The following PDGFD variants were observed in gnomAD, a reference collection of about 807,000 sequenced individuals.
The protein encoded by PDGFD is platelet derived growth factor D, also known as platelet-derived growth factor D.
Under a neutral mutation model 44.7 loss-of-function variants are expected in PDGFD, and 30 were observed. The observed-to-expected ratio is 0.67, with a 90% CI of 0.50 to 0.91. The LOEUF is 0.91. Among genes scored for constraint, PDGFD ranks in the 40% least tolerant of loss-of-function variants. PDGFD has a pLI of 0.00. For synonymous variants in PDGFD, 173 were observed against 168.4 expected (o/e 1.03, Z -0.21); for missense variants, 445 against 457.8 (o/e 0.97, Z 0.25).
chr11:104,137,859 G>C (rs1226960430), intron 1 of PDGFD, among the ~76,000 whole-genome samples: 1 of 148,304 alleles, frequency 6.7e-6, no homozygotes, highest in Non-Finnish European at 1.5e-5. Flanking sequence ...AGATCAAGCT[G>C]TTTTTGCAAC....
intron 1 of PDGFD, among the ~76,000 whole-genome samples, chr11:104,122,649 T>A (rs977752435): frequency 4.6e-5 from 7 of 152,154 alleles, no homozygotes; most frequent in Admixed American, 3.9e-4. Flanking sequence ...AAAAGGAACC[T>A]CGGGTATAAC....
At chr11:103,963,799 C>G (rs972046877) in intron 3 of PDGFD, among the ~76,000 whole-genome samples, 5 of 152,096 alleles carry the variant, frequency 3.3e-5, no homozygotes, top group African/African-American at 1.2e-4. Flanking sequence ...TAAAAACAAT[C>G]TATGCATATG....
intron 1 of PDGFD, among the ~76,000 whole-genome samples, chr11:104,117,624 C>T (rs12225115): frequency 0.19 from 28,454 of 151,726 alleles, 2,772 homozygotes; most frequent in Middle Eastern, 0.29. Context: ...GAACTCAACC[C>T]CTTTTAAAAT....
At chr11:103,967,161 T>G (rs1209608368) in intron 3 of PDGFD, among the ~76,000 whole-genome samples, 6 of 152,324 alleles carry the variant, frequency 3.9e-5, no homozygotes, top group South Asian at 4.1e-4. Flanking sequence ...AAAGGTAAAC[T>G]CATACACAGA....
intron 1 of PDGFD, among the ~76,000 whole-genome samples, chr11:104,138,174 A>C (rs1223912169): frequency 6.6e-6 from 1 of 152,248 alleles, no homozygotes; most frequent in East Asian, 1.9e-4. Flanking sequence ...TCTATGAATT[A>C]AACAAAGGAA....
At chr11:103,986,309 TC>T (rs2134355646) in intron 3 of PDGFD, among the ~76,000 whole-genome samples, 1 of 152,278 alleles carries the variant, frequency 6.6e-6, no homozygotes, top group African/African-American at 2.4e-5. Context: ...CAGCTAGGTC[TC>T]CTTAGAGCCA....
intron 1 of PDGFD, among the ~76,000 whole-genome samples, chr11:104,161,485 T>G (rs1044586320): frequency 1.3e-5 from 2 of 152,218 alleles, no homozygotes; most frequent in African/African-American, 4.8e-5. Context: ...GAATTTTTCA[T>G]AGCCCCATTA....
rs545949809 is a variant in PDGFD at position 104,085,136 on chromosome 11, CAT to C, written c.124+78666_124+78667del. On this transcript the variant is annotated intron_variant, in intron 1 of 6. Transcript: ENST00000393158. ...TTTTTATATATATTAAATTTTATCA[CAT>C]GTGTAGAATTGTGTCACCCCATCAC... Among the ~76,000 whole-genome samples, 478 of 127,328 alleles carry C rather than the reference CAT, an allele frequency of 3.8e-3. 3 individuals carry two copies. Among genetic ancestry groups the C allele is most frequent in the African/African-American group, 0.015 (414 of 27,688 alleles). The allele number at this position is 127,328 out of a possible 152,430, so 83.5% of individuals were successfully genotyped here. A position where few individuals can be genotyped will look rare whatever the true frequency, so the allele number is the denominator to read the frequency against.
chr11:103,992,894 A>G (rs1210037090), intron 3 of PDGFD, among the ~76,000 whole-genome samples: 1 of 152,168 alleles, frequency 6.6e-6, no homozygotes, highest in African/African-American at 2.4e-5. Flanking sequence ...GGAAATGTCC[A>G]GGTACACCTG....
chr11:104,069,721 G>A (rs1240902563), intron 1 of PDGFD, among the ~76,000 whole-genome samples: 2 of 152,308 alleles, frequency 1.3e-5, no homozygotes, highest in Non-Finnish European at 2.9e-5. Flanking sequence ...TTAGCTGGGC[G>A]TGTTGGCCGG....
chr11:104,004,242 A>T (rs1246482073), intron 1 of PDGFD, among the ~76,000 whole-genome samples: 2 of 152,192 alleles, frequency 1.3e-5, no homozygotes, highest in African/African-American at 4.8e-5. Flanking sequence ...AAGACAGTAC[A>T]GTCAGCCCTC....
intron 6 of PDGFD, among the ~76,000 whole-genome samples, chr11:103,917,929 G>A (rs1858153383): frequency 6.6e-6 from 1 of 152,262 alleles, no homozygotes; most frequent in African/African-American, 2.4e-5. Flanking sequence ...CATGCATCAC[G>A]GTCTGCACAT....
intron 3 of PDGFD, among the ~76,000 whole-genome samples, chr11:103,974,965 T>C (rs1297786686): frequency 4.6e-5 from 7 of 152,234 alleles, no homozygotes; most frequent in Non-Finnish European, 1.0e-4. Flanking sequence ...TACATGTGCA[T>C]GTGTCTTTAT....
chr11:104,081,831 T>C (rs1055869805), intron 1 of PDGFD, among the ~76,000 whole-genome samples: 2 of 152,138 alleles, frequency 1.3e-5, no homozygotes, highest in Admixed American at 6.6e-5. Flanking sequence ...TCTATATTCA[T>C]AGAATAAGTT....
intron 5 of PDGFD, among the ~76,000 whole-genome samples, chr11:103,937,314 C>G (rs17101756): frequency 0.025 from 3,864 of 152,114 alleles, 171 homozygotes; most frequent in African/African-American, 0.088. Context: ...GCCATTATGT[C>G]CTGGATTTTT....
At chr11:104,136,693 A>G (rs1862009839) in intron 1 of PDGFD, among the ~76,000 whole-genome samples, 1 of 152,188 alleles carries the variant, frequency 6.6e-6, no homozygotes, top group South Asian at 2.1e-4. Flanking sequence ...TCACAAATAC[A>G]CCTTTCCAAT....
chr11:103,986,517 C>T (rs1416497344), intron 3 of PDGFD, among the ~76,000 whole-genome samples: 1 of 152,154 alleles, frequency 6.6e-6, no homozygotes, highest in Non-Finnish European at 1.5e-5. Flanking sequence ...AAGTATTTTT[C>T]CTTTCATCAC....
At chr11:103,924,953 T>A (rs1858281628) in intron 6 of PDGFD, among the ~76,000 whole-genome samples, 1 of 152,112 alleles carries the variant, frequency 6.6e-6, no homozygotes, top group African/African-American at 2.4e-5. Flanking sequence ...CCTAATGCTA[T>A]CCCTCCCCCA....
intron 1 of PDGFD, among the ~76,000 whole-genome samples, chr11:104,059,426 A>T (rs564798789): frequency 3.9e-5 from 6 of 152,166 alleles, no homozygotes; most frequent in African/African-American, 1.4e-4. Flanking sequence ...CATTATTTTG[A>T]TAAACTAAAT....
Sources: gnomAD v4.1 joint callset for allele counts (sites outside exome capture counted in the v4.1 genomes callset) on GRCh38, gnomAD v4.1.1 for gene constraint, MANE v1.5 for transcripts, NCBI Gene and HGNC (gene_info 2026-07-23, HGNC 2026-07-21) for gene names.